The following SPAG17 variants were observed in gnomAD, a reference collection of about 807,000 sequenced individuals.
The protein encoded by SPAG17 is sperm associated antigen 17.
Under a neutral mutation model 273.6 loss-of-function variants are expected in SPAG17, and 169 were observed. That is an observed-to-expected ratio of 0.62 (90% CI 0.55 to 0.70). The LOEUF (loss-of-function observed/expected upper bound fraction) is 0.70. Among genes scored for constraint, SPAG17 ranks in the 30% least tolerant of loss-of-function variants. The pLI, the probability that SPAG17 is intolerant of heterozygous loss-of-function variation, is 0.00. For synonymous variants in SPAG17, 825 were observed against 873.2 expected, an observed-to-expected ratio of 0.94 and a Z score of 0.97; for missense variants, 2,557 against 2,627.8, an observed-to-expected ratio of 0.97 and a Z score of 0.59.
intron 43 of SPAG17, among the ~76,000 whole-genome samples, chr1:117,978,869 C>CTT (rs370678516): frequency 0.032 from 4,516 of 140,018 alleles, 235 homozygotes; most frequent in African/African-American, 0.11. Context: ...TCTTCCTCTT[C>CTT]TTTTTTTTTT....
chr1:118,140,484 T>C (rs953691492), intron 3 of SPAG17, among the ~76,000 whole-genome samples: 1 of 152,044 alleles, frequency 6.6e-6, no homozygotes, highest in South Asian at 2.1e-4. Flanking sequence ...TAAATGTCAA[T>C]TTACAATAAA....
intron 3 of SPAG17, among the ~76,000 whole-genome samples, chr1:118,138,156 G>A (rs565775770): frequency 1.3e-5 from 2 of 152,256 alleles, no homozygotes; most frequent in South Asian, 2.1e-4. Flanking sequence ...GCTCAATGAA[G>A]AACAGACTCA....
intron 1 of SPAG17, among the ~76,000 whole-genome samples, chr1:118,175,244 G>T (rs572176936): frequency 1.3e-5 from 2 of 152,182 alleles, no homozygotes; most frequent in South Asian, 2.1e-4. Context: ...TGCCCAGACT[G>T]GTCTTGAACC....
chr1:118,056,339 A>G (rs1003250012), intron 18 of SPAG17, among the ~76,000 whole-genome samples: 3 of 152,204 alleles, frequency 2.0e-5, no homozygotes, highest in Non-Finnish European at 4.4e-5. Flanking sequence ...AGGAACTTTT[A>G]AAATTGAGAC....
chr1:118,053,950 G>T, intron 20 of SPAG17, 52 bp downstream of exon 20: 1 of 1,329,808 alleles, frequency 7.5e-7, no homozygotes. Flanking sequence ...CTATCCTGTT[G>T]TGTAATACTT....
At chr1:118,109,681 TACTC>T (rs1656641387) in intron 4 of SPAG17, among the ~76,000 whole-genome samples, 1 of 151,974 alleles carries the variant, frequency 6.6e-6, no homozygotes, top group Admixed American at 6.6e-5. Flanking sequence ...TAAGAAAACA[TACTC>T]ACAGAGTTTG....
At chr1:117,954,903 T>A (rs1651943959) in intron 48 of SPAG17, among the ~76,000 whole-genome samples, 1 of 152,148 alleles carries the variant, frequency 6.6e-6, no homozygotes, top group African/African-American at 2.4e-5. Flanking sequence ...CTCTGAAGAT[T>A]CTGTTAATCT....
chr1:118,041,740 G>A lies in SPAG17; in HGVS notation c.3054+63C>T, dbSNP rs1649776880. ...AAAACAAAAGAATCTTATAATAACCGTATTTTCCCAAAACAATTAGGAATA... is the reference window on the plus strand; with the variant it reads ...AAAACAAAAGAATCTTATAATAACCATATTTTCCCAAAACAATTAGGAATA... On this transcript the variant is annotated intron_variant, in intron 21 of 48. Transcript: ENST00000336338. 11 of 1,552,616 alleles carry A rather than the reference G, an allele frequency of 7.1e-6. No homozygotes were observed. The East Asian group carries it at 9.0e-5, about 13-fold the overall frequency.
intron 32 of SPAG17, among the ~76,000 whole-genome samples, chr1:118,002,123 T>C (rs1394612489): frequency 6.6e-6 from 1 of 152,198 alleles, no homozygotes; most frequent in African/African-American, 2.4e-5. Flanking sequence ...TTCCATATAT[T>C]TGTGTGGTTT....
intron 26 of SPAG17, 116 bp downstream of exon 26, chr1:118,028,158 T>A: frequency 8.2e-7 from 1 of 1,216,804 alleles, no homozygotes; most frequent in Non-Finnish European, 1.2e-6. Context: ...GTGAAAACAG[T>A]CTATTGTTCA....
At chr1:118,025,779 A>G (rs960829421) in intron 26 of SPAG17, among the ~76,000 whole-genome samples, 1 of 152,170 alleles carries the variant, frequency 6.6e-6, no homozygotes, top group Non-Finnish European at 1.5e-5. Flanking sequence ...GGTGTGAGAC[A>G]CCATGCCTGG....
intron 3 of SPAG17, among the ~76,000 whole-genome samples, chr1:118,119,088 G>A (rs2102267108): frequency 1.3e-5 from 2 of 152,190 alleles, no homozygotes; most frequent in East Asian, 3.9e-4. Flanking sequence ...GCGCTCTCAT[G>A]GAAACCAAAT....
chr1:118,012,170 T>A, intron 30 of SPAG17, 58 bp downstream of exon 30: 2 of 1,541,742 alleles, frequency 1.3e-6, no homozygotes, highest in Non-Finnish European at 1.8e-6. Context: ...GAGGATTCTA[T>A]CTAACTTACG....
intron 46 of SPAG17, 118 bp from the exon 47 acceptor site, chr1:117,966,871 A>C: frequency 1.2e-6 from 1 of 820,064 alleles, no homozygotes; most frequent in Non-Finnish European, 1.8e-6. Flanking sequence ...TCATCTATAA[A>C]TTTGGCACTA....
intron 25 of SPAG17, among the ~76,000 whole-genome samples, chr1:118,029,594 G>T (rs1034584895): frequency 6.6e-6 from 1 of 152,134 alleles, no homozygotes; most frequent in Non-Finnish European, 1.5e-5. Flanking sequence ...AATTAATGAG[G>T]GTTTGGGTGT....
intron 26 of SPAG17, 140 bp downstream of exon 26, chr1:118,028,134 T>A: frequency 1.0e-6 from 1 of 999,806 alleles, no homozygotes; most frequent in Non-Finnish European, 1.5e-6. Context: ...CTGGCCATAG[T>A]AAATGCTACA....
chr1:118,051,591 T>C (rs1458453378), intron 20 of SPAG17, among the ~76,000 whole-genome samples: 1 of 150,500 alleles, frequency 6.6e-6, no homozygotes, highest in South Asian at 2.1e-4. Flanking sequence ...ATATATTCTG[T>C]AATACTATGT....
chr1:117,966,774 T>A, intron 46 of SPAG17, 21 bp from the exon 47 acceptor site: 2 of 1,587,378 alleles, frequency 1.3e-6, no homozygotes, highest in Non-Finnish European at 1.7e-6. Flanking sequence ...CAAGGTAGCT[T>A]TAGGACCAGA....
chr1:118,100,134 T>C lies in SPAG17; in HGVS notation c.635-334A>G, dbSNP rs565342311. ...AGCCTGTAACTTTTTTGGGTTCTAA[T>C]CTCTTTTGAGCAACATCTGGCTTTA... On this transcript the variant is annotated intron_variant, in intron 5 of 48. Transcript: ENST00000336338. 2.0e-5 allele frequency among the ~76,000 whole-genome samples: 3 copies of C among 152,346 alleles called. No homozygotes were observed. In the South Asian group the frequency reaches 6.2e-4, roughly 32 times the overall value.
Sources: gnomAD v4.1 joint callset for allele counts (sites outside exome capture counted in the v4.1 genomes callset) on GRCh38, gnomAD v4.1.1 for gene constraint, MANE v1.5 for transcripts, NCBI Gene and HGNC (gene_info 2026-07-23, HGNC 2026-07-21) for gene names.